The following L3MBTL3 variants were observed in gnomAD, a reference collection of about 807,000 sequenced individuals.
L3MBTL3 encodes the protein L3MBTL histone methyl-lysine binding protein 3, also known as lethal(3)malignant brain tumor-like protein 3.
L3MBTL3 carries 27 observed loss-of-function variants against 102.3 expected under a neutral mutation model. That is an observed-to-expected ratio of 0.26 (90% CI 0.19 to 0.36). L3MBTL3 has a LOEUF of 0.36. L3MBTL3 is among the 10% of genes least tolerant of loss of function. L3MBTL3 has a pLI of 1.00. For synonymous variants in L3MBTL3, 340 were observed against 320.9 expected (o/e 1.06, Z -0.64); for missense variants, 798 against 955.3 (o/e 0.84, Z 2.17).
At chr6:130,096,604 G>A (rs912963983) in intron 18 of L3MBTL3, among the ~76,000 whole-genome samples, 1 of 152,134 alleles carries the variant, frequency 6.6e-6, no homozygotes, top group Non-Finnish European at 1.5e-5. Flanking sequence ...AGCAAGGCCC[G>A]TGGTGACAGT....
chr6:130,082,417 T>C (rs1350243132), intron 14 of L3MBTL3, among the ~76,000 whole-genome samples: 1 of 152,264 alleles, frequency 6.6e-6, no homozygotes, highest in Non-Finnish European at 1.5e-5. Flanking sequence ...TATTTATTTG[T>C]TCAATTTATC....
Position 130,058,003 on chromosome 6 carries a change from C to T in L3MBTL3, c.759+506C>T, listed in dbSNP as rs555836151. 6.3e-4 allele frequency among the ~76,000 whole-genome samples: 95 copies of T among 151,326 alleles called. 1 individual carries two copies. Among genetic ancestry groups the T allele is most frequent in the East Asian group, 4.7e-3 (24 of 5,122 alleles). ...CTAAAAATACAAAAAATTAGCCGGG[C>T]GCGGTGGCGGGTGCCTGTAGTCCCA... On this transcript the variant is annotated intron_variant, in intron 9 of 22. Coordinates refer to ENST00000361794, the MANE Select transcript of L3MBTL3 (RefSeq NM_032438.4).
chr6:130,054,480 A>G (rs1455752633), intron 7 of L3MBTL3, among the ~76,000 whole-genome samples: 1 of 152,210 alleles, frequency 6.6e-6, no homozygotes, highest in Non-Finnish European at 1.5e-5. Flanking sequence ...GCTGAAGATG[A>G]TGGAAGTCCG....
chr6:130,028,803 T>G (rs993642301), intron 2 of L3MBTL3, among the ~76,000 whole-genome samples: 1 of 152,246 alleles, frequency 6.6e-6, no homozygotes, highest in African/African-American at 2.4e-5. Flanking sequence ...TGAATTTAAC[T>G]TCTTTTGATG....
Position 130,099,491 on chromosome 6 carries a change from A to G in L3MBTL3, c.1737-4935A>G, listed in dbSNP as rs137981962. Among the ~76,000 whole-genome samples the G allele has an allele frequency of 1.8e-4, 27 of 152,324 alleles. No homozygotes were observed. The East Asian group carries it at 5.2e-3, about 29-fold the overall frequency. Reference sequence around the variant, plus strand: ...AGTTCATATGCAGTTTTAGAAGTTAACAATTTTGTATCTGTACATAACAGA... The same window carrying G: ...AGTTCATATGCAGTTTTAGAAGTTAGCAATTTTGTATCTGTACATAACAGA... On this transcript the variant is annotated intron_variant, in intron 18 of 22. Coordinates refer to ENST00000361794, the MANE Select transcript of L3MBTL3 (RefSeq NM_032438.4).
intron 19 of L3MBTL3, among the ~76,000 whole-genome samples, chr6:130,115,799 T>TATTGA (rs549179421): frequency 6.6e-6 from 1 of 152,206 alleles, no homozygotes; most frequent in Non-Finnish European, 1.5e-5. Context: ...AACTGAAATG[T>TATTGA]ATTGAATTGA....
chr6:130,085,114 C>A (rs1783598628), intron 15 of L3MBTL3, among the ~76,000 whole-genome samples: 1 of 152,180 alleles, frequency 6.6e-6, no homozygotes, highest in African/African-American at 2.4e-5. Context: ...CAGGCATGAG[C>A]CACCGCGTCC....
chr6:130,046,591 G>T (rs1039348673), intron 3 of L3MBTL3, among the ~76,000 whole-genome samples: 2 of 152,160 alleles, frequency 1.3e-5, no homozygotes, highest in African/African-American at 4.8e-5. Context: ...TTTTCTGATT[G>T]ACCTGGATAT....
At chr6:130,051,213 T>C (rs79550375) in intron 5 of L3MBTL3, 36 bp from the exon 6 acceptor site, 1 of 1,563,576 alleles carries the variant, frequency 6.4e-7, no homozygotes, top group South Asian at 1.2e-5. Flanking sequence ...TCTTCTGTCA[T>C]GGTTGTAATT....
intron 12 of L3MBTL3, 65 bp from the exon 13 acceptor site, chr6:130,070,911 A>T (rs556253975): frequency 2.3e-6 from 3 of 1,284,326 alleles, no homozygotes; most frequent in East Asian, 5.1e-5. Context: ...AGGTGCAGAG[A>T]GTGTGCAGTT....
intron 18 of L3MBTL3, among the ~76,000 whole-genome samples, chr6:130,102,298 A>T (rs546486110): frequency 6.6e-6 from 1 of 152,108 alleles, no homozygotes; most frequent in East Asian, 1.9e-4. Context: ...TCATACCTTT[A>T]CTCTTGAACA....
At chr6:130,030,665 T>TA (rs548921467) in intron 2 of L3MBTL3, among the ~76,000 whole-genome samples, 2,399 of 48,368 alleles carry the variant, frequency 0.05, 180 homozygotes, top group African/African-American at 0.068. Context: ...AGACTCTACC[T>TA]AAAAAAAAAA....
At chr6:130,068,523 C>G in intron 12 of L3MBTL3, 102 bp downstream of exon 12, 1 of 631,520 alleles carries the variant, frequency 1.6e-6, no homozygotes, top group Non-Finnish European at 2.9e-6. Context: ...TAAATTTTAT[C>G]GCCTTGGTAA....
rs1045334888 is a variant in L3MBTL3 at position 130,042,697 on chromosome 6, A to G, written c.-3A>G. Reference sequence around the variant, plus strand: ...TTTCCCCTTTCAGGTTAAAAAATAAATCATGACTGAATCTGCCTCTAGCAC... The same window carrying G: ...TTTCCCCTTTCAGGTTAAAAAATAAGTCATGACTGAATCTGCCTCTAGCAC... On this transcript the variant is annotated 5_prime_UTR_variant, in exon 3 of 23. Coordinates refer to ENST00000361794, the MANE Select transcript of L3MBTL3 (RefSeq NM_032438.4). The G allele has an allele frequency of 1.2e-6, 2 of 1,605,926 alleles. No homozygotes were observed. The highest frequency in any genetic ancestry group is 1.1e-5 in the South Asian group (1 of 90,816).
chr6:130,089,794 A>G (rs1216034266), intron 16 of L3MBTL3, among the ~76,000 whole-genome samples: 1 of 151,844 alleles, frequency 6.6e-6, no homozygotes, highest in Non-Finnish European at 1.5e-5. Context: ...TGTGGTTTTG[A>G]TACACATTTC....
intron 3 of L3MBTL3, among the ~76,000 whole-genome samples, chr6:130,048,225 T>C (rs1704773590): frequency 6.6e-6 from 1 of 152,260 alleles, no homozygotes; most frequent in African/African-American, 2.4e-5. Context: ...AGGGCCTTGC[T>C]TAAATACTCA....
At chr6:130,030,390 C>T (rs928002457) in intron 2 of L3MBTL3, among the ~76,000 whole-genome samples, 33 of 151,846 alleles carry the variant, frequency 2.2e-4, no homozygotes, top group African/African-American at 7.5e-4. Flanking sequence ...CGGCCGGGTG[C>T]GGTGGCTCAC....
chr6:130,096,687 G>C (rs1460544197), intron 18 of L3MBTL3, among the ~76,000 whole-genome samples: 1 of 152,132 alleles, frequency 6.6e-6, no homozygotes, highest in African/African-American at 2.4e-5. Flanking sequence ...GACCTCCGAG[G>C]GTTCCTCAGC....
intron 18 of L3MBTL3, among the ~76,000 whole-genome samples, chr6:130,099,089 G>A (rs981650322): frequency 6.6e-5 from 10 of 152,040 alleles, no homozygotes; most frequent in Admixed American, 6.6e-4. Context: ...CACACCTAAT[G>A]AGCTGGACCA....
Sources: gnomAD v4.1 joint callset for allele counts (sites outside exome capture counted in the v4.1 genomes callset) on GRCh38, gnomAD v4.1.1 for gene constraint, MANE v1.5 for transcripts, NCBI Gene and HGNC (gene_info 2026-07-23, HGNC 2026-07-21) for gene names.